IL1RAPL1: variants seen among roughly 807,000 people sequenced by gnomAD.
IL1RAPL1 encodes the protein interleukin-1 receptor accessory protein-like 1.
Under a neutral mutation model 48.4 loss-of-function variants are expected in IL1RAPL1, and 3 were observed. The observed-to-expected ratio is 0.06, with a 90% CI of 0.03 to 0.16. IL1RAPL1 has a LOEUF of 0.16. IL1RAPL1 is among the 10% of genes least tolerant of loss of function. The pLI is 1.00. For synonymous variants in IL1RAPL1, 185 were observed against 187.7 expected (o/e 0.99, Z 0.12); for missense variants, 349 against 530.6 (o/e 0.66, Z 3.36).
intron 8 of IL1RAPL1, among the ~76,000 whole-genome samples, chrX:29,921,310 G>C (rs1932846612): frequency 8.9e-6 from 1 of 112,170 alleles, no homozygotes. Context: ...TAATTTCAAA[G>C]CCCGTGTTTA....
chrX:29,159,219 G>T (rs1159010512), intron 2 of IL1RAPL1, among the ~76,000 whole-genome samples: 2 of 110,417 alleles, frequency 1.8e-5, no homozygotes, highest in African/African-American at 6.6e-5. Flanking sequence ...TAGAAATAGA[G>T]TCCTTCCTAA....
In IL1RAPL1 at chrX:29,293,629, CAT is replaced by C. The variant is rs201479497; in HGVS notation, c.362+10413_362+10414del. On this transcript the variant is annotated intron_variant, in intron 3 of 10. Coordinates refer to ENST00000378993, the MANE Select transcript of IL1RAPL1 (RefSeq NM_014271.4). ...AGGCCCTTTTCAACCATGGATATAA[CAT>C]GTGTATTTATCGTATTTCACAAACA... 1.1e-3 allele frequency among the ~76,000 whole-genome samples: 123 copies of C among 111,196 alleles called. 1 individual carries two copies. The East Asian group carries it at 0.032, about 29-fold the overall frequency.
chrX:29,910,279 C>T (rs1932741739), intron 6 of IL1RAPL1, among the ~76,000 whole-genome samples: 1 of 110,484 alleles, frequency 9.1e-6, no homozygotes, highest in South Asian at 3.9e-4. Flanking sequence ...CTACCAGATA[C>T]CATGCTTATA....
At chrX:29,094,896 T>C (rs2147459159) in intron 2 of IL1RAPL1, among the ~76,000 whole-genome samples, 1 of 105,284 alleles carries the variant, frequency 9.5e-6, no homozygotes, top group African/African-American at 3.5e-5. Flanking sequence ...TAACTACTTT[T>C]AAGATTTTTG....
intron 6 of IL1RAPL1, among the ~76,000 whole-genome samples, chrX:29,806,551 A>G (rs1284533708): frequency 9.0e-6 from 1 of 110,686 alleles, no homozygotes; most frequent in East Asian, 2.8e-4. Context: ...CATACCAGAT[A>G]ATATTGTCAT....
chrX:29,774,473 A>C (rs1259896495), intron 6 of IL1RAPL1, among the ~76,000 whole-genome samples: 5 of 112,252 alleles, frequency 4.5e-5, no homozygotes, highest in African/African-American at 1.6e-4. Flanking sequence ...CATTAAAGCA[A>C]CAATAATGAA....
intron 8 of IL1RAPL1, among the ~76,000 whole-genome samples, chrX:29,929,673 G>A (rs760299076): frequency 1.4e-4 from 16 of 111,464 alleles, no homozygotes; most frequent in Non-Finnish European, 2.6e-4. Context: ...ACTTACAATG[G>A]TTGCCAAATT....
At chrX:28,707,465 C>T (rs1312461141) in intron 1 of IL1RAPL1, among the ~76,000 whole-genome samples, 1 of 112,184 alleles carries the variant, frequency 8.9e-6, no homozygotes, top group East Asian at 2.8e-4. Flanking sequence ...TGCACATCAA[C>T]CATATGATTG....
intron 6 of IL1RAPL1, among the ~76,000 whole-genome samples, chrX:29,724,488 C>G (rs1328803878): frequency 8.9e-6 from 1 of 112,215 alleles, no homozygotes; most frequent in Admixed American, 9.4e-5. Flanking sequence ...TAGCATGCTC[C>G]TGAGAGTAGA....
intron 8 of IL1RAPL1, among the ~76,000 whole-genome samples, chrX:29,930,592 T>C (rs1327300550): frequency 8.9e-6 from 1 of 111,899 alleles, no homozygotes; most frequent in Non-Finnish European, 1.9e-5. Context: ...CTTATCATCC[T>C]TATGCATTTT....
intron 5 of IL1RAPL1, among the ~76,000 whole-genome samples, chrX:29,590,619 C>T (rs754176250): frequency 1.8e-5 from 2 of 111,592 alleles, no homozygotes; most frequent in African/African-American, 3.3e-5. Context: ...CTTGCTGACC[C>T]GCCCATGCTC....
chrX:29,364,592 A>C (rs1004143988), intron 3 of IL1RAPL1, among the ~76,000 whole-genome samples: 8 of 105,314 alleles, frequency 7.6e-5, no homozygotes, highest in African/African-American at 1.0e-4. Context: ...AAGAAAAAAT[A>C]TTTGGAAAAA....
intron 2 of IL1RAPL1, among the ~76,000 whole-genome samples, chrX:29,103,449 C>T (rs1348544467): frequency 8.9e-6 from 1 of 111,751 alleles, no homozygotes; most frequent in Non-Finnish European, 1.9e-5. Flanking sequence ...ACCTCTATCT[C>T]GACCATTTAC....
intron 3 of IL1RAPL1, among the ~76,000 whole-genome samples, chrX:29,311,933 G>T (rs1226836516): frequency 8.9e-6 from 1 of 111,836 alleles, no homozygotes; most frequent in Middle Eastern, 4.2e-3. Flanking sequence ...TAATGAGCTA[G>T]GGGCTTGGCA....
intron 1 of IL1RAPL1, among the ~76,000 whole-genome samples, chrX:28,599,732 G>C (rs1272888001): frequency 8.9e-6 from 1 of 111,949 alleles, no homozygotes; most frequent in African/African-American, 3.2e-5. Context: ...AAAGCTTATG[G>C]ACCAGTGGGA....
intron 1 of IL1RAPL1, among the ~76,000 whole-genome samples, chrX:28,674,224 G>T (rs747177049): frequency 7.8e-4 from 86 of 109,563 alleles, no homozygotes; most frequent in Non-Finnish European, 1.4e-3. Flanking sequence ...GACTGTATTT[G>T]CTTTATTATT....
chrX:29,934,408 G>A (rs1932995518), intron 8 of IL1RAPL1, among the ~76,000 whole-genome samples: 3 of 112,085 alleles, frequency 2.7e-5, no homozygotes, highest in South Asian at 7.4e-4. Flanking sequence ...GTGCAGATTC[G>A]TGTACAATAG....
intron 6 of IL1RAPL1, among the ~76,000 whole-genome samples, chrX:29,699,512 A>G (rs1274313781): frequency 8.9e-6 from 1 of 112,617 alleles, no homozygotes; most frequent in Admixed American, 9.4e-5. Context: ...TCTTGGATTT[A>G]AAGAACTTTG....
At chrX:29,414,603 TC>T (rs758832312) in intron 5 of IL1RAPL1, among the ~76,000 whole-genome samples, 5 of 110,917 alleles carry the variant, frequency 4.5e-5, no homozygotes, top group African/African-American at 6.6e-5. Flanking sequence ...TGTCTGTAGT[TC>T]CTGCTACTCA....
Sources: allele counts gnomAD v4.1 joint callset (sites outside exome capture counted in the v4.1 genomes callset), GRCh38; gene constraint gnomAD v4.1.1; transcripts MANE v1.5; gene names NCBI Gene and HGNC (gene_info 2026-07-23, HGNC 2026-07-21).